The following TRPM1 variants were observed in gnomAD, a reference collection of about 807,000 sequenced individuals.
TRPM1 encodes transient receptor potential cation channel subfamily M member 1.
A neutral mutation model predicts 149.4 loss-of-function variants in TRPM1; 113 were observed. The ratio of observed to expected loss-of-function variants is 0.76; its 90% CI spans 0.65 to 0.88. The LOEUF (loss-of-function observed/expected upper bound fraction) is 0.88. Ranked by LOEUF, TRPM1 falls within the 40% of genes least tolerant of loss-of-function variation. The pLI is 0.00. For synonymous variants in TRPM1, 741 were observed against 759.5 expected (o/e 0.98, Z 0.40); for missense variants, 1,976 against 2,038.7 (o/e 0.97, Z 0.59).
At chr15:31,089,379 G>A (rs1300909700) in intron 1 of TRPM1, among the ~76,000 whole-genome samples, 1 of 152,214 alleles carries the variant, frequency 6.6e-6, no homozygotes, top group African/African-American at 2.4e-5. Flanking sequence ...AAGTATCTAT[G>A]AAGTATACGT....
chr15:31,056,197 C>A (rs118018927), intron 11 of TRPM1, among the ~76,000 whole-genome samples: 1 of 152,080 alleles, frequency 6.6e-6, no homozygotes, highest in Admixed American at 6.5e-5. Context: ...CCAGCAGTTG[C>A]TTGACTAATA....
At chr15:31,101,817 G>T, upstream of TRPM1, 1 of 719,752 alleles carries the variant, frequency 1.4e-6, no homozygotes, top group Non-Finnish European at 1.7e-6. Flanking sequence ...TTGCTGTGAA[G>T]CGATGGCCCC....
At chr15:31,088,936 G>A (rs932026305) in intron 1 of TRPM1, among the ~76,000 whole-genome samples, 1 of 152,186 alleles carries the variant, frequency 6.6e-6, no homozygotes, top group African/African-American at 2.4e-5. Flanking sequence ...TTGCGTGGAA[G>A]CTGCTGGCGC....
At chr15:31,111,902 C>A (rs4779823) in intron 1 of TRPM1, among the ~76,000 whole-genome samples, 90,104 of 152,028 alleles carry the variant, frequency 0.59, 26,969 homozygotes, top group East Asian at 0.74. Flanking sequence ...CCCACCCCCC[C>A]AAAAAAATTT....
intron 27 of TRPM1, among the ~76,000 whole-genome samples, chr15:31,023,105 C>T (rs1400919603): frequency 6.6e-6 from 1 of 152,220 alleles, no homozygotes; most frequent in Non-Finnish European, 1.5e-5. Context: ...GTGGACCAAA[C>T]CCAGACATGG....
At chr15:31,045,941 A>G (rs1304138968) in intron 16 of TRPM1, among the ~76,000 whole-genome samples, 1 of 152,146 alleles carries the variant, frequency 6.6e-6, no homozygotes, top group Non-Finnish European at 1.5e-5. Flanking sequence ...TGGTTTTTGC[A>G]TACGTAAGTG....
intron 1 of TRPM1, among the ~76,000 whole-genome samples, chr15:31,136,217 A>C (rs2036086392): frequency 6.6e-6 from 1 of 152,200 alleles, no homozygotes; most frequent in African/African-American, 2.4e-5. Flanking sequence ...TGGGGAGAGC[A>C]TCGGATCCAG....
Position 31,027,029 on chromosome 15 carries a change from C to G in TRPM1, c.3382G>C (p.Val1128Leu), listed in dbSNP as rs2032802003. 6.2e-7 allele frequency: 1 copy of G among 1,614,090 alleles called. No individual in the cohort carries two copies. Among genetic ancestry groups the G allele is most frequent in the Non-Finnish European group, 8.5e-7 (1 of 1,180,046 alleles). ...AAAATGATCATCGGTGGGGGCAGGA[C>G]TGGCCTGTCATGAAATGTCATAATC... Reference protein sequence around the residue: ...QLIMTFHDRPVLPPPMIILSH... With the variant: ...QLIMTFHDRPLLPPPMIILSH... Residue 1128 changes from valine to leucine, a missense_variant, in exon 26 of 28, where the codon GTC becomes CTC. Coordinates refer to ENST00000256552, the MANE Select transcript of TRPM1 (RefSeq NM_001252024.2).
intron 1 of TRPM1, among the ~76,000 whole-genome samples, chr15:31,095,995 G>A (rs2035370502): frequency 6.6e-6 from 1 of 151,874 alleles, no homozygotes; most frequent in African/African-American, 2.4e-5. Flanking sequence ...GCAGTGAGCC[G>A]AGATAGCACC....
chr15:31,059,401 A>G (rs776821330), intron 11 of TRPM1, among the ~76,000 whole-genome samples: 18 of 152,112 alleles, frequency 1.2e-4, no homozygotes, highest in Middle Eastern at 6.8e-3. Context: ...ATGGTTTTGC[A>G]TTGTTTTTTG....
intron 1 of TRPM1, among the ~76,000 whole-genome samples, chr15:31,089,566 G>A (rs1198313371): frequency 2.0e-5 from 3 of 152,220 alleles, no homozygotes; most frequent in Non-Finnish European, 4.4e-5. Context: ...ACAGGCCTGA[G>A]CGGCACCGTT....
chr15:31,080,039 C>A (rs117254136), intron 2 of TRPM1, among the ~76,000 whole-genome samples: 2 of 152,082 alleles, frequency 1.3e-5, no homozygotes, highest in African/African-American at 4.8e-5. Flanking sequence ...AGAATTATAA[C>A]CTTTAGACTT....
At chr15:31,113,151 A>C (rs867448796) in intron 1 of TRPM1, among the ~76,000 whole-genome samples, 10 of 152,124 alleles carry the variant, frequency 6.6e-5, no homozygotes, top group African/African-American at 2.4e-4. Flanking sequence ...CTTCTGCCTG[A>C]ATCACCCCCT....
At chr15:31,148,925 C>T (rs984563375) in intron 1 of TRPM1, among the ~76,000 whole-genome samples, 4 of 152,192 alleles carry the variant, frequency 2.6e-5, no homozygotes, top group Non-Finnish European at 4.4e-5. Context: ...TCCTCCTCCC[C>T]TCCCCGCAGT....
chr15:31,021,060 T>C (rs1405274764), intron 27 of TRPM1, among the ~76,000 whole-genome samples: 1 of 152,104 alleles, frequency 6.6e-6, no homozygotes, highest in Admixed American at 6.6e-5. Context: ...AACAAGGGTG[T>C]CATCCACTGG....
At chr15:31,136,933 A>AAGAG (rs531393809) in intron 1 of TRPM1, among the ~76,000 whole-genome samples, 113 of 152,246 alleles carry the variant, frequency 7.4e-4, no homozygotes, top group Middle Eastern at 3.4e-3. Flanking sequence ...AGGAACCTGA[A>AAGAG]AGAGAGAGAT....
At chr15:31,043,439 G>A (rs558842779) in intron 16 of TRPM1, among the ~76,000 whole-genome samples, 25 of 151,840 alleles carry the variant, frequency 1.6e-4, no homozygotes, top group African/African-American at 4.4e-4. Context: ...TGGTCCTCCC[G>A]CCTCGGCCTC....
chr15:31,057,903 C>G lies in TRPM1; in HGVS notation c.1263+2641G>C, dbSNP rs147527872. 3.4e-3 allele frequency among the ~76,000 whole-genome samples: 523 copies of G among 152,318 alleles called. 4 individuals carry two copies. The highest frequency in any genetic ancestry group is 0.017 in the Middle Eastern group (5 of 294). On this transcript the variant is annotated intron_variant, in intron 11 of 27. Transcript: ENST00000256552. ...AAAATGTTTGGCAGCCCCTTGTGCT[C>G]TTTTCTCTCTCTCATGGGCTGCCGT...
intron 1 of TRPM1, among the ~76,000 whole-genome samples, chr15:31,114,916 A>G (rs951810769): frequency 6.6e-6 from 1 of 152,272 alleles, no homozygotes; most frequent in African/African-American, 2.4e-5. Flanking sequence ...ATCTAAATGG[A>G]TACCAATTGT....
Sources: allele counts gnomAD v4.1 joint callset (sites outside exome capture counted in the v4.1 genomes callset), GRCh38; gene constraint gnomAD v4.1.1; transcripts MANE v1.5; gene names NCBI Gene and HGNC (gene_info 2026-07-23, HGNC 2026-07-21).